HCRTR2: variants seen among roughly 807,000 people sequenced by gnomAD.
The protein encoded by HCRTR2 is hypocretin receptor 2, also known as orexin receptor type 2.
In HCRTR2, 22 loss-of-function variants were observed where a neutral mutation model predicts 49.0. That is an observed-to-expected ratio of 0.45 (90% CI 0.32 to 0.64). HCRTR2 has a LOEUF of 0.64. HCRTR2 is among the 30% of genes least tolerant of loss of function. The pLI is 0.04. For synonymous variants in HCRTR2, 236 were observed against 205.3 expected (o/e 1.15, Z -1.28); for missense variants, 491 against 559.4 (o/e 0.88, Z 1.23).
intron 2 of HCRTR2, among the ~76,000 whole-genome samples, chr6:55,250,917 C>A (rs1226641934): frequency 6.6e-6 from 1 of 152,098 alleles, no homozygotes; most frequent in Non-Finnish European, 1.5e-5. Context: ...CCATTTGTTA[C>A]CCCATCTAAC....
At chr6:55,150,572 A>G (rs979267636) in intron 1 of HCRTR2, among the ~76,000 whole-genome samples, 2 of 151,902 alleles carry the variant, frequency 1.3e-5, no homozygotes, top group African/African-American at 2.4e-5. Flanking sequence ...TATTTCTTGT[A>G]TAAGTGGGAT....
chr6:55,149,204 T>C (rs1764632431), intron 1 of HCRTR2, among the ~76,000 whole-genome samples: 1 of 152,110 alleles, frequency 6.6e-6, no homozygotes, highest in Admixed American at 6.6e-5. Flanking sequence ...CTCAACCAAA[T>C]ACAGTTTTGT....
chr6:55,230,981 A>G (rs1766104140), intron 1 of HCRTR2, among the ~76,000 whole-genome samples: 1 of 152,104 alleles, frequency 6.6e-6, no homozygotes, highest in African/African-American at 2.4e-5. Flanking sequence ...ATAATTAGCC[A>G]AGTTAGTTGG....
chr6:55,139,004 G>A (rs1469667146), intron 1 of HCRTR2, among the ~76,000 whole-genome samples: 2 of 152,160 alleles, frequency 1.3e-5, no homozygotes, highest in Non-Finnish European at 2.9e-5. Context: ...AAATCACTCA[G>A]CCAAACAAAA....
intron 1 of HCRTR2, among the ~76,000 whole-genome samples, chr6:55,228,136 A>G (rs1766046691): frequency 6.6e-6 from 1 of 152,122 alleles, no homozygotes; most frequent in Non-Finnish European, 1.5e-5. Flanking sequence ...ACCTCAGCAG[A>G]AGGAGCATGT....
chr6:55,178,754 C>A (rs1765083004), intron 1 of HCRTR2, among the ~76,000 whole-genome samples: 1 of 152,194 alleles, frequency 6.6e-6, no homozygotes, highest in Non-Finnish European at 1.5e-5. Context: ...GCTCCACCCA[C>A]CCATCTCCTT....
chr6:55,128,405 G>C (rs114471152), intron 1 of HCRTR2, among the ~76,000 whole-genome samples: 1 of 152,078 alleles, frequency 6.6e-6, no homozygotes, highest in Non-Finnish European at 1.5e-5. Context: ...GGGTATTCAC[G>C]CTCTTTTTTG....
intron 1 of HCRTR2, among the ~76,000 whole-genome samples, chr6:55,184,414 C>A (rs1765183281): frequency 6.6e-6 from 1 of 152,150 alleles, no homozygotes; most frequent in African/African-American, 2.4e-5. Context: ...CTCATTTTAG[C>A]TTTTACATCA....
At chr6:55,125,457 T>G (rs576270337) in intron 1 of HCRTR2, among the ~76,000 whole-genome samples, 38 of 152,368 alleles carry the variant, frequency 2.5e-4, no homozygotes, top group African/African-American at 9.1e-4. Flanking sequence ...GTCTTCTGGC[T>G]TGTAGGGTTT....
intron 1 of HCRTR2, among the ~76,000 whole-genome samples, chr6:55,243,343 T>C (rs1300145558): frequency 1.3e-5 from 2 of 152,162 alleles, no homozygotes; most frequent in African/African-American, 4.8e-5. Context: ...TATTGGTGTT[T>C]AATGGTTATT....
rs192247873 is a variant in HCRTR2 at position 55,194,482 on chromosome 6, A to T, written c.223+19672A>T. Among the ~76,000 whole-genome samples the T allele has an allele frequency of 5.8e-3, 879 of 152,240 alleles. 8 individuals carry two copies. The highest frequency in any genetic ancestry group is 0.019 in the African/African-American group (771 of 41,580). On this transcript the variant is annotated intron_variant, in intron 1 of 6. Transcript: ENST00000370862. ...ATAATTTAGTGAAATTTTTAAAATT[A>T]TTCTACATATAATTAAATATGGATA...
At chr6:55,245,077 G>A (rs181026519) in intron 1 of HCRTR2, among the ~76,000 whole-genome samples, 25 of 151,850 alleles carry the variant, frequency 1.6e-4, no homozygotes, top group Admixed American at 1.6e-3. Flanking sequence ...TAGGCTTATA[G>A]CATAATTTGA....
At chr6:55,153,301 A>G (rs1423999652) in intron 1 of HCRTR2, among the ~76,000 whole-genome samples, 1 of 152,018 alleles carries the variant, frequency 6.6e-6, no homozygotes, top group Non-Finnish European at 1.5e-5. Flanking sequence ...TGCAAACACT[A>G]TAGAGTGTAG....
chr6:55,247,237 T>C (rs1766463187), intron 1 of HCRTR2, among the ~76,000 whole-genome samples: 2 of 152,040 alleles, frequency 1.3e-5, no homozygotes, highest in African/African-American at 4.8e-5. Context: ...GTTACCCTGA[T>C]TAAGGTTCAC....
Position 55,136,301 on chromosome 6 carries a change from C to G in HCRTR2, c.-378+29756C>G, listed in dbSNP as rs78644083. On this transcript the variant is annotated intron_variant, in intron 1 of 7. Coordinates refer to the HCRTR2 transcript ENST00000615358. ...TGAGTCTTCAATGCCTGATTCTAAA[C>G]CTTGAATTTAACTACTAGAGCCGCA... 9.6e-3 allele frequency among the ~76,000 whole-genome samples: 1,455 copies of G among 152,180 alleles called. 25 individuals are homozygous for G. The highest frequency in any genetic ancestry group is 0.033 in the African/African-American group (1,364 of 41,518).
At chr6:55,183,553 G>A (rs1215903365) in intron 1 of HCRTR2, among the ~76,000 whole-genome samples, 1 of 152,136 alleles carries the variant, frequency 6.6e-6, no homozygotes, top group African/African-American at 2.4e-5. Flanking sequence ...AGCTGTTAAA[G>A]GATTTTAAAT....
intron 1 of HCRTR2, among the ~76,000 whole-genome samples, chr6:55,139,163 G>C (rs112639321): frequency 2.6e-5 from 4 of 152,248 alleles, no homozygotes; most frequent in African/African-American, 9.6e-5. Flanking sequence ...GTTAAAGAAG[G>C]GTTCCAAACA....
intron 1 of HCRTR2, among the ~76,000 whole-genome samples, chr6:55,147,283 G>C (rs915569210): frequency 1.3e-5 from 2 of 151,934 alleles, no homozygotes; most frequent in Non-Finnish European, 2.9e-5. Context: ...AAAAATCTAC[G>C]TAATTGATAA....
intron 1 of HCRTR2, among the ~76,000 whole-genome samples, chr6:55,141,209 G>T (rs1017263285): frequency 2.6e-5 from 4 of 151,852 alleles, no homozygotes; most frequent in African/African-American, 2.4e-5. Flanking sequence ...ACCGGGCGTG[G>T]TGGCAGTCAC....
Sources: gnomAD v4.1 joint callset for allele counts (sites outside exome capture counted in the v4.1 genomes callset) on GRCh38, gnomAD v4.1.1 for gene constraint, MANE v1.5 for transcripts, NCBI Gene and HGNC (gene_info 2026-07-23, HGNC 2026-07-21) for gene names.